AMZ2: variants seen among roughly 807,000 people sequenced by gnomAD.
AMZ2 encodes the protein archaemetzincin-2.
AMZ2 carries 26 observed loss-of-function variants against 36.7 expected under a neutral mutation model. That is an observed-to-expected ratio of 0.71 (90% CI 0.52 to 0.98). The LOEUF is 0.98. Among genes scored for constraint, AMZ2 ranks in the 50% least tolerant of loss-of-function variants. AMZ2 has a pLI of 0.00. For synonymous variants in AMZ2, 144 were observed against 149.1 expected, an observed-to-expected ratio of 0.97 and a Z score of 0.25; for missense variants, 394 against 430.5, an observed-to-expected ratio of 0.92 and a Z score of 0.75.
chr17:68,227,405 A>T (rs546116467), intron 1 of AMZ2, among the ~76,000 whole-genome samples: 1 of 152,192 alleles, frequency 6.6e-6, no homozygotes, highest in Non-Finnish European at 1.5e-5. Context: ...CAGTGTATGC[A>T]CTTCCAGTGA....
intron 1 of AMZ2, among the ~76,000 whole-genome samples, chr17:68,212,722 C>T (rs1415307473): frequency 6.6e-6 from 1 of 152,006 alleles, no homozygotes; most frequent in Middle Eastern, 3.2e-3. Flanking sequence ...GTGCACACCA[C>T]CACACCTGGC....
At chr17:68,224,734 T>C (rs1214056421) in intron 1 of AMZ2, among the ~76,000 whole-genome samples, 5 of 151,648 alleles carry the variant, frequency 3.3e-5, no homozygotes, top group African/African-American at 1.2e-4. Context: ...AGAGTTGGGG[T>C]CTTCCTATGT....
intron 5 of AMZ2, 50 bp downstream of exon 5, chr17:68,254,617 G>C: frequency 6.8e-7 from 1 of 1,480,644 alleles, no homozygotes; most frequent in Non-Finnish European, 9.3e-7. Flanking sequence ...AGAGATCTTA[G>C]TTCCGTAAAC....
At chr17:68,247,646 C>A (rs1380273941), upstream of AMZ2, 56 of 985,358 alleles carry the variant, frequency 5.7e-5, 1 homozygote, top group African/African-American at 9.6e-4. Flanking sequence ...CTGCGGCGGC[C>A]GCCGACTCAT....
chr17:68,221,209 T>TGCCC (rs148591849), intron 1 of AMZ2, among the ~76,000 whole-genome samples: 1 of 66,778 alleles, frequency 1.5e-5, no homozygotes, highest in African/African-American at 6.8e-5. Context: ...AGCCCTCAGC[T>TGCCC]CCCCCCCCCG....
At chr17:68,214,868 C>T (rs1286808915) in intron 1 of AMZ2, among the ~76,000 whole-genome samples, 7 of 151,716 alleles carry the variant, frequency 4.6e-5, no homozygotes, top group African/African-American at 7.3e-5. Context: ...ACTGTAGCTT[C>T]GACCTCCTGG....
intron 1 of AMZ2, among the ~76,000 whole-genome samples, chr17:68,220,634 C>T (rs1229951047): frequency 1.3e-5 from 2 of 152,092 alleles, no homozygotes; most frequent in Non-Finnish European, 2.9e-5. Context: ...AAGATGCTTC[C>T]AGTCCAGCAG....
intron 1 of AMZ2, among the ~76,000 whole-genome samples, chr17:68,209,109 G>A (rs558857876): frequency 4.6e-5 from 7 of 152,188 alleles, no homozygotes; most frequent in Admixed American, 4.6e-4. Context: ...GCTGTATGGA[G>A]AATAAAAGGA....
At position 68,256,883 on chromosome 17, in the gene AMZ2, G is replaced by T; in HGVS notation, c.997G>T (p.Asp333Tyr). The T allele has an allele frequency of 6.2e-7, 1 of 1,614,188 alleles. No homozygotes were observed. The highest frequency in any genetic ancestry group is 8.5e-7 in the Non-Finnish European group (1 of 1,180,042). ...PGATPEHSHEDNGNLPKPVEA... is the reference protein window; with the variant it reads ...PGATPEHSHEYNGNLPKPVEA... ...AGCAACTCCAGAACACAGTCACGAG[G>T]ATAATGGGAATTTACCGAAACCCGT... The change falls in exon 7 of 7, where the codon GAT becomes TAT. Residue 333 changes from aspartate to tyrosine, a missense_variant. Physicochemically the swap from Asp to Tyr is radical, Grantham distance 160 (BLOSUM62 -3). Transcript: ENST00000359904.
At chr17:68,215,129 G>A (rs1241758381) in intron 1 of AMZ2, among the ~76,000 whole-genome samples, 104 of 152,222 alleles carry the variant, frequency 6.8e-4, no homozygotes, top group African/African-American at 2.4e-3. Flanking sequence ...TCAGGAGGGA[G>A]CAAAATGAAA....
chr17:68,240,413 A>C (rs1555733767), intron 1 of AMZ2, among the ~76,000 whole-genome samples: 1 of 152,238 alleles, frequency 6.6e-6, no homozygotes, highest in Admixed American at 6.5e-5. Flanking sequence ...GAATAGTTGA[A>C]AGTAAGTATT....
At chr17:68,231,909 G>A (rs12935883) in intron 1 of AMZ2, among the ~76,000 whole-genome samples, 15,089 of 152,008 alleles carry the variant, frequency 0.099, 856 homozygotes, top group Non-Finnish European at 0.12. Flanking sequence ...AAATTTATGG[G>A]ACATGCTTAT....
chr17:68,240,044 A>G (rs1555733688), intron 1 of AMZ2, among the ~76,000 whole-genome samples: 1 of 152,202 alleles, frequency 6.6e-6, no homozygotes, highest in Non-Finnish European at 1.5e-5. Flanking sequence ...ATGGTTTACA[A>G]ACAACAGAAA....
chr17:68,247,394 G>C (rs1413133274), upstream of AMZ2: 1 of 140,474 alleles, frequency 7.1e-6, no homozygotes, highest in Admixed American at 7.5e-5. Context: ...GAGGCCCAGA[G>C]AGACCGAAAG....
Position 68,248,452 on chromosome 17 carries a change from A to G in AMZ2, c.-254A>G. 1 of 986,176 alleles carries G rather than the reference A, an allele frequency of 1.0e-6. No individual in the cohort carries two copies. Among genetic ancestry groups the G allele is most frequent in the Non-Finnish European group, 1.2e-6 (1 of 830,178 alleles). The allele number at this position is 986,176 out of a possible 1,614,324, so 61.1% of individuals were successfully genotyped here. On this transcript the variant is annotated 5_prime_UTR_variant, in exon 1 of 7. The change abolishes an upstream ATG in the 5' untranslated region. Transcript: ENST00000359904. The stretch of plus-strand genomic sequence containing the variant: ...GCCAGCTCCTTCCCGTTTGCCCGTG[A>G]TGTTCTGGTTTTGGGACCAAAGCAT...
At chr17:68,226,397 G>A (rs1295973160) in intron 1 of AMZ2, among the ~76,000 whole-genome samples, 7 of 152,322 alleles carry the variant, frequency 4.6e-5, no homozygotes, top group African/African-American at 1.7e-4. Flanking sequence ...CAGGATGCAA[G>A]GCTGCTCTGG....
intron 1 of AMZ2, among the ~76,000 whole-genome samples, chr17:68,224,542 CT>C (rs34837469): frequency 0.13 from 17,987 of 137,064 alleles, 1,203 homozygotes; most frequent in African/African-American, 0.17. Flanking sequence ...TTGGGGGTAG[CT>C]TTTTTTTTTT....
chr17:68,206,140 C>A (rs71376949), exon 1 of AMZ2: 182,595 of 1,306,458 alleles, frequency 0.14, 13,663 homozygotes, highest in Non-Finnish European at 0.15. Context: ...GAGGACGAGG[C>A]TGATTCCGAT....
intron 1 of AMZ2, chr17:68,206,567 C>G (rs1230930786): frequency 2.6e-5 from 4 of 153,520 alleles, no homozygotes; most frequent in African/African-American, 7.2e-5. Flanking sequence ...TTGGCAAACA[C>G]GTATCCATTG....
Sources: gnomAD v4.1 joint callset for allele counts (sites outside exome capture counted in the v4.1 genomes callset) on GRCh38, gnomAD v4.1.1 for gene constraint, MANE v1.5 for transcripts, NCBI Gene and HGNC (gene_info 2026-07-23, HGNC 2026-07-21) for gene names.